SLC27A1: variants seen among roughly 807,000 people sequenced by gnomAD.
SLC27A1 encodes long-chain fatty acid transport protein 1.
In SLC27A1, 61 loss-of-function variants were observed where a neutral mutation model predicts 62.2. The observed-to-expected ratio is 0.98, with a 90% CI of 0.80 to 1.21. The LOEUF (loss-of-function observed/expected upper bound fraction) is 1.21, where lower values mean the gene tolerates loss of function less well. Ranked by LOEUF, SLC27A1 falls within the 50% of genes most tolerant of loss-of-function variation. The probability of loss-of-function intolerance (pLI) is 0.00; values close to 1 mark genes in which losing one functional copy is unlikely to be tolerated. For missense variants in SLC27A1, 903 were observed against 932.1 expected (o/e 0.97, Z 0.41); for synonymous variants, 435 against 408.6 (o/e 1.06, Z -0.78).
rs1568418988 is a variant in SLC27A1, at chr19:17,491,889, A to AAAAAAGAAG, written c.996+2772_996+2773insAAAAAGAAG. ...CCCCTATCTCAAAAAAATAAAAAAA[A>AAAAAAGAAG]GAAAAGAAAAGAAAAGAAAATATTT... On this transcript the variant is annotated intron_variant, in intron 6 of 11. Transcript: ENST00000252595. Among the ~76,000 whole-genome samples, 267 of 151,972 alleles carry AAAAAAGAAG rather than the reference A, an allele frequency of 1.8e-3. 4 individuals carry two copies. The highest frequency in any genetic ancestry group is 6.2e-3 in the African/African-American group (258 of 41,436).
chr19:17,475,124 A>G (rs1253992698), intron 1 of SLC27A1, among the ~76,000 whole-genome samples: 1 of 152,182 alleles, frequency 6.6e-6, no homozygotes, highest in East Asian at 1.9e-4. Context: ...CACATTGGCC[A>G]GGCTGGTCTC....
chr19:17,481,741 A>G (rs2075180672), intron 1 of SLC27A1, among the ~76,000 whole-genome samples: 1 of 152,122 alleles, frequency 6.6e-6, no homozygotes, highest in Non-Finnish European at 1.5e-5. Context: ...GGGCTCAAGC[A>G]ATCCTCCCAC....
intron 1 of SLC27A1, among the ~76,000 whole-genome samples, chr19:17,475,982 G>C (rs1249052105): frequency 6.6e-6 from 1 of 152,150 alleles, no homozygotes; most frequent in Admixed American, 6.6e-5. Flanking sequence ...GAGACCGGGA[G>C]GCTGGGGGTG....
chr19:17,480,024 C>T (rs751531558), intron 1 of SLC27A1, among the ~76,000 whole-genome samples: 2 of 151,978 alleles, frequency 1.3e-5, no homozygotes, highest in African/African-American at 2.4e-5. Context: ...TTTTATCTTT[C>T]GATACAAAAA....
intron 7 of SLC27A1, 134 bp downstream of exon 7, chr19:17,497,598 G>C: frequency 1.3e-6 from 1 of 781,984 alleles, no homozygotes. Context: ...ACGCAGGGCG[G>C]GGTGTAAGGG....
intron 11 of SLC27A1, chr19:17,503,557 T>A (rs1479295186): frequency 2.0e-5 from 3 of 151,672 alleles, no homozygotes; most frequent in Non-Finnish European, 4.4e-5. Flanking sequence ...CCTCCTGGGC[T>A]CAAGTGATTC....
chr19:17,497,489 C>T, intron 7 of SLC27A1, 25 bp downstream of exon 7: 1 of 1,583,054 alleles, frequency 6.3e-7, no homozygotes, highest in Non-Finnish European at 8.6e-7. Context: ...GGCCCCGGGG[C>T]AGGTCTCGGA....
At chr19:17,490,689 G>A (rs1599659167) in intron 6 of SLC27A1, among the ~76,000 whole-genome samples, 1 of 152,062 alleles carries the variant, frequency 6.6e-6, no homozygotes, top group East Asian at 1.9e-4. Flanking sequence ...ATGAGTACTT[G>A]TTTTTTCAAA....
At chr19:17,485,687 G>A (rs528132401) in intron 1 of SLC27A1, among the ~76,000 whole-genome samples, 3 of 151,828 alleles carry the variant, frequency 2.0e-5, no homozygotes, top group Non-Finnish European at 4.4e-5. Flanking sequence ...AAAATTAGTC[G>A]GGTGTGGTGG....
At chr19:17,476,738 C>T (rs2075126310) in intron 1 of SLC27A1, among the ~76,000 whole-genome samples, 1 of 151,914 alleles carries the variant, frequency 6.6e-6, no homozygotes, top group Non-Finnish European at 1.5e-5. Context: ...TGACCTTGGG[C>T]GTGTCCATTC....
intron 1 of SLC27A1, among the ~76,000 whole-genome samples, chr19:17,482,231 A>C (rs2075185353): frequency 6.6e-6 from 1 of 152,134 alleles, no homozygotes; most frequent in Admixed American, 6.5e-5. Flanking sequence ...AAAGACTAGA[A>C]GTGCCCGCCG....
chr19:17,482,580 G>A (rs763452884), intron 1 of SLC27A1, among the ~76,000 whole-genome samples: 4 of 148,346 alleles, frequency 2.7e-5, no homozygotes, highest in African/African-American at 5.0e-5. Context: ...GAACCCAGGA[G>A]GCAAATGTTT....
At chr19:17,484,545 G>A (rs576814806) in intron 1 of SLC27A1, among the ~76,000 whole-genome samples, 1 of 152,062 alleles carries the variant, frequency 6.6e-6, no homozygotes, top group South Asian at 2.1e-4. Context: ...CATGATCATG[G>A]ACTCTAGTCT....
In SLC27A1 at chr19:17,497,072, C is replaced by T. The variant is rs373777391; in HGVS notation, c.997-183C>T. ...CCTAGACCCTTTGCAAGAGACTGAACGAGTCCTAGGAGTCAATGTGGTCCC... is the reference window on the plus strand; with the variant it reads ...CCTAGACCCTTTGCAAGAGACTGAATGAGTCCTAGGAGTCAATGTGGTCCC... On this transcript the variant is annotated intron_variant, in intron 6 of 11. Transcript: ENST00000252595. 2.1e-3 allele frequency: 1,117 copies of T among 540,436 alleles called. 5 individuals carry two copies. The highest frequency in any genetic ancestry group is 0.012 in the Middle Eastern group (29 of 2,404). 33.5% of individuals were successfully genotyped at this position (540,436 alleles called of 1,614,324 possible).
intron 1 of SLC27A1, among the ~76,000 whole-genome samples, chr19:17,473,546 T>A (rs1193315969): frequency 6.6e-6 from 1 of 152,132 alleles, no homozygotes; most frequent in African/African-American, 2.4e-5. Flanking sequence ...TATTTTCTGA[T>A]CACCTTGTTG....
chr19:17,488,770 C>G, intron 4 of SLC27A1, 78 bp from the exon 5 acceptor site: 1 of 1,323,432 alleles, frequency 7.6e-7, no homozygotes, highest in Non-Finnish European at 1.1e-6. Context: ...GGTCCACATG[C>G]AGCATGCTTC....
intron 1 of SLC27A1, among the ~76,000 whole-genome samples, chr19:17,480,559 G>C (rs867485029): frequency 6.3e-5 from 1 of 15,952 alleles, no homozygotes; most frequent in African/African-American, 2.3e-4. Context: ...TTTTTTTTTT[G>C]CAGAGATGAG....
chr19:17,480,188 C>T (rs1476819221), intron 1 of SLC27A1, among the ~76,000 whole-genome samples: 2 of 151,160 alleles, frequency 1.3e-5, no homozygotes, highest in Non-Finnish European at 2.9e-5. Context: ...CCACCATATC[C>T]GGCTAATTTT....
intron 6 of SLC27A1, among the ~76,000 whole-genome samples, chr19:17,492,085 C>T (rs2075299588): frequency 6.6e-6 from 1 of 152,038 alleles, no homozygotes; most frequent in African/African-American, 2.4e-5. Context: ...TAGCAACATC[C>T]CTGGCCTCCC....
Sources: allele counts gnomAD v4.1 joint callset (sites outside exome capture counted in the v4.1 genomes callset), GRCh38; gene constraint gnomAD v4.1.1; transcripts MANE v1.5; gene names NCBI Gene and HGNC (gene_info 2026-07-23, HGNC 2026-07-21).